SMIM24: variants seen among roughly 807,000 people sequenced by gnomAD.
SMIM24 encodes MAP17-related dimer.
In SMIM24, 6 loss-of-function variants were observed where a neutral mutation model predicts 10.8. That is an observed-to-expected ratio of 0.55 (90% confidence interval 0.30 to 1.09). The LOEUF is 1.09. SMIM24 is among the 50% of genes least tolerant of loss of function. SMIM24 has a pLI of 0.06. For missense variants in SMIM24, 151 were observed against 153.4 expected (o/e 0.98, Z 0.08); for synonymous variants, 71 against 62.4 (o/e 1.14, Z -0.65).
chr19:3,478,507 G>A (rs1274825265), intron 2 of SMIM24, 29 bp from the exon 3 acceptor site: 1 of 1,532,122 alleles, frequency 6.5e-7, no homozygotes, highest in East Asian at 2.5e-5. Context: ...AGGTGGAAGG[G>A]GGCGGGAGAG....
chr19:3,478,529 C>A (rs2082802929), intron 2 of SMIM24, 51 bp from the exon 3 acceptor site: 2 of 1,471,968 alleles, frequency 1.4e-6, no homozygotes, highest in South Asian at 1.3e-5. Context: ...AGAAAGGGGG[C>A]GGTAAAGGGA....
rs141379627 is a variant in SMIM24, at chr19:3,474,875, C to A, written c.361G>T (p.Asp121Tyr). The A allele has an allele frequency of 7.0e-4, 1,080 of 1,551,648 alleles. 8 individuals are homozygous for A. Among genetic ancestry groups the A allele is most frequent in the South Asian group, 3.6e-3 (302 of 84,060 alleles). ...GLDLEEKEPG[D>Y]HERAKSTVM Reference sequence around the variant, plus strand: ...ACTGTGCTCTTTGCTCTCTCATGGTCTCCGGGCTCTTTTTCCTCCAGATCC... The same window carrying A: ...ACTGTGCTCTTTGCTCTCTCATGGTATCCGGGCTCTTTTTCCTCCAGATCC... Residue 121 changes from aspartate (D) to tyrosine (Y), a missense_variant, in exon 4 of 4, where the codon GAC becomes TAC. Coordinates refer to ENST00000215531, the MANE Select transcript of SMIM24 (RefSeq NM_001136503.2).
intron 1 of SMIM24, among the ~76,000 whole-genome samples, chr19:3,479,291 G>T (rs1202189553): frequency 6.6e-6 from 1 of 150,716 alleles, no homozygotes; most frequent in African/African-American, 2.4e-5. Context: ...TCAGAAGGGC[G>T]GGGCTTATGA....
intron 2 of SMIM24, 86 bp from the exon 3 acceptor site, chr19:3,478,564 C>G: frequency 7.8e-7 from 1 of 1,279,518 alleles, no homozygotes; most frequent in Non-Finnish European, 1.1e-6. Context: ...CAGCCTCAGC[C>G]TCTGTCCCAA....
chr19:3,478,940 T>A lies in SMIM24; in HGVS notation c.68-11A>T, dbSNP rs1338014336. The A allele has an allele frequency of 9.7e-6, 15 of 1,547,384 alleles. No individual in the cohort carries two copies. Among genetic ancestry groups the A allele is most frequent in the Non-Finnish European group, 1.3e-5 (15 of 1,145,154 alleles). ...GGCGATGCTCCGTGGCTGCAGGAAG[T>A]TGGGGAGGTTCGACTCAGAGGAAGA... On this transcript the variant is annotated splice_polypyrimidine_tract_variant and intron_variant, in intron 1 of 3. Transcript: ENST00000215531.
At chr19:3,475,645 G>T (rs1195789297) in intron 3 of SMIM24, among the ~76,000 whole-genome samples, 1 of 149,274 alleles carries the variant, frequency 6.7e-6, no homozygotes, top group African/African-American at 2.5e-5. Flanking sequence ...ATGGTAGGTG[G>T]ATAGGTGATG....
At chr19:3,475,820 T>C (rs1329670560) in intron 3 of SMIM24, among the ~76,000 whole-genome samples, 1 of 149,898 alleles carries the variant, frequency 6.7e-6, no homozygotes, top group East Asian at 2.0e-4. Context: ...GGATGATGGC[T>C]GGGTGATTGA....
intron 3 of SMIM24, among the ~76,000 whole-genome samples, chr19:3,476,328 C>T (rs1048328267): frequency 1.3e-5 from 2 of 151,202 alleles, no homozygotes; most frequent in Non-Finnish European, 3.0e-5. Context: ...CTGCATAGTT[C>T]GATGGACGCA....
At chr19:3,475,606 G>C (rs1043126581) in intron 3 of SMIM24, among the ~76,000 whole-genome samples, 1 of 150,054 alleles carries the variant, frequency 6.7e-6, no homozygotes, top group Non-Finnish European at 1.5e-5. Flanking sequence ...TGGGTGGATG[G>C]GTGAGTGGAT....
Position 3,474,575 on chromosome 19 carries a change from G to A in SMIM24, c.*268C>T, listed in dbSNP as rs911429163. ...GCCATGAGATCGTGGAGGATTGCGG[G>A]TGTCTCCTCAACCAGGGATGCTCTC... On this transcript the variant is annotated 3_prime_UTR_variant, in exon 4 of 4. Transcript: ENST00000215531. 1.3e-5 allele frequency: 6 copies of A among 460,584 alleles called. No homozygotes were observed. The highest frequency in any genetic ancestry group is 1.9e-5 in the African/African-American group (1 of 51,506). 28.5% of individuals were successfully genotyped at this position (460,584 alleles called of 1,614,324 possible).
At chr19:3,478,989 C>T (rs2082805280) in intron 1 of SMIM24, 60 bp from the exon 2 acceptor site, 1 of 1,338,444 alleles carries the variant, frequency 7.5e-7, no homozygotes, top group Non-Finnish European at 1.0e-6. Context: ...CCCCCTTCCC[C>T]CACCACCCTA....
chr19:3,478,648 C>G (rs10413312), intron 2 of SMIM24, among the ~76,000 whole-genome samples, 170 bp from the exon 3 acceptor site: 86,284 of 151,622 alleles, frequency 0.57, 26,142 homozygotes, highest in East Asian at 0.86. Context: ...CTTGGGGAGA[C>G]GGGCGGGTGC....
At chr19:3,476,031 G>A (rs1420681895) in intron 3 of SMIM24, among the ~76,000 whole-genome samples, 1 of 152,094 alleles carries the variant, frequency 6.6e-6, no homozygotes, top group Non-Finnish European at 1.5e-5. Context: ...CAGTGGATGG[G>A]GGTATGCAGA....
At chr19:3,477,370 GATGA>G (rs1321837301) in intron 3 of SMIM24, among the ~76,000 whole-genome samples, 1 of 147,736 alleles carries the variant, frequency 6.8e-6, no homozygotes, top group Non-Finnish European at 1.5e-5. Flanking sequence ...GTGGATGGGT[GATGA>G]ATGGATGGGG....
At chr19:3,479,239 T>G (rs1156562866) in intron 1 of SMIM24, among the ~76,000 whole-genome samples, 1 of 128,938 alleles carries the variant, frequency 7.8e-6, no homozygotes, top group Non-Finnish European at 1.6e-5. Flanking sequence ...GGGCTTATAA[T>G]GCAGGCAGAG....
At chr19:3,476,010 G>C (rs1162420473) in intron 3 of SMIM24, among the ~76,000 whole-genome samples, 1 of 152,108 alleles carries the variant, frequency 6.6e-6, no homozygotes, top group Non-Finnish European at 1.5e-5. Context: ...AGGAAGGAGA[G>C]ACTGATGGAT....
At chr19:3,478,269 G>T in intron 3 of SMIM24, 150 bp downstream of exon 3, 1 of 713,096 alleles carries the variant, frequency 1.4e-6, no homozygotes, top group Non-Finnish European at 2.2e-6. Context: ...TGGAGGAGGA[G>T]AAGGAGCTGC....
rs2082804804 is a variant in SMIM24 at position 3,478,902 on chromosome 19, A to C, written c.95T>G (p.Leu32Arg). ...GCCGACTACCGCAGCCAGGCCCACC[A>C]GCCACGGCTTCAGGCGATGCTCCGT... ...QATEHRLKPWLVGLAAVVGFL... is the reference protein window; with the variant it reads ...QATEHRLKPWRVGLAAVVGFL... Residue 32 changes from leucine to arginine, a missense_variant, in exon 2 of 4, where the codon CTG becomes CGG. Coordinates refer to ENST00000215531, the MANE Select transcript of SMIM24 (RefSeq NM_001136503.2). 6.5e-7 allele frequency: 1 copy of C among 1,549,886 alleles called. No homozygotes were observed. The highest frequency in any genetic ancestry group is 1.2e-5 in the South Asian group (1 of 84,050).
At chr19:3,476,979 G>A (rs973269493) in intron 3 of SMIM24, among the ~76,000 whole-genome samples, 24 of 150,726 alleles carry the variant, frequency 1.6e-4, no homozygotes, top group African/African-American at 5.6e-4. Context: ...ATGGATAGAT[G>A]GGTGGGTAGA....
Sources: allele counts gnomAD v4.1 joint callset (sites outside exome capture counted in the v4.1 genomes callset), GRCh38; gene constraint gnomAD v4.1.1; transcripts MANE v1.5; gene names NCBI Gene and HGNC (gene_info 2026-07-23, HGNC 2026-07-21).